Variants in ESRRG observed in about 807,000 individuals in gnomAD.
The protein encoded by ESRRG is estrogen related receptor gamma.
ESRRG carries 13 observed loss-of-function variants against 44.0 expected under a neutral mutation model. That is an observed-to-expected ratio of 0.30 (90% CI 0.19 to 0.47). The LOEUF is 0.47. ESRRG is among the 20% of genes least tolerant of loss of function. The pLI is 1.00. For missense variants in ESRRG, 395 were observed against 580.6 expected (o/e 0.68, Z 3.29); for synonymous variants, 215 against 214.6 (o/e 1.00, Z -0.02).
chr1:216,641,806 TG>T, intron 3 of ESRRG, among the ~76,000 whole-genome samples: 1 of 152,228 alleles, frequency 6.6e-6, no homozygotes, highest in South Asian at 2.1e-4. Flanking sequence ...GTCAGGACTT[TG>T]AGTGGGAAGT....
At chr1:216,786,118 G>A (rs2094119364) in intron 2 of ESRRG, among the ~76,000 whole-genome samples, 1 of 152,052 alleles carries the variant, frequency 6.6e-6, no homozygotes, top group African/African-American at 2.4e-5. Context: ...AAAGAAAACT[G>A]CTGTTCACAG....
intron 3 of ESRRG, among the ~76,000 whole-genome samples, chr1:216,576,161 G>C (rs192964894): frequency 6.6e-6 from 1 of 151,970 alleles, no homozygotes; most frequent in Admixed American, 6.6e-5. Flanking sequence ...GTCCCACAGA[G>C]TCTATTTTCC....
chr1:216,933,486 T>C (rs1049623587), intron 2 of ESRRG, among the ~76,000 whole-genome samples: 1 of 151,632 alleles, frequency 6.6e-6, no homozygotes, highest in Non-Finnish European at 1.5e-5. Flanking sequence ...ATTTCTGTGG[T>C]GTAAATACTC....
intron 2 of ESRRG, among the ~76,000 whole-genome samples, chr1:216,668,711 C>A (rs1427532349): frequency 6.6e-6 from 1 of 152,130 alleles, no homozygotes; most frequent in Admixed American, 6.5e-5. Flanking sequence ...CTAGCCAACA[C>A]ACACACACAC....
At chr1:216,935,459 A>T (rs1026127260) in intron 2 of ESRRG, among the ~76,000 whole-genome samples, 1 of 152,142 alleles carries the variant, frequency 6.6e-6, no homozygotes, top group Non-Finnish European at 1.5e-5. Context: ...AAGAATACAG[A>T]TGAACAGCCA....
chr1:217,125,325 T>A (rs116687027), intron 1 of ESRRG, among the ~76,000 whole-genome samples: 2,671 of 152,276 alleles, frequency 0.018, 87 homozygotes, highest in South Asian at 0.11. Context: ...CTGGAAAACA[T>A]TACATACCAT....
At chr1:216,869,901 C>CT (rs1290979260) in intron 2 of ESRRG, among the ~76,000 whole-genome samples, 1 of 151,822 alleles carries the variant, frequency 6.6e-6, no homozygotes, top group African/African-American at 2.4e-5. Flanking sequence ...ACCTTGTAAC[C>CT]TGAAAAGTTG....
chr1:216,753,970 G>A (rs1024920397), intron 2 of ESRRG, among the ~76,000 whole-genome samples: 2 of 151,974 alleles, frequency 1.3e-5, no homozygotes, highest in Non-Finnish European at 1.5e-5. Flanking sequence ...GCTCAGCTGT[G>A]ACTCCACTCA....
At chr1:216,891,882 C>T (rs2057847085) in intron 2 of ESRRG, among the ~76,000 whole-genome samples, 1 of 143,338 alleles carries the variant, frequency 7.0e-6, no homozygotes, top group South Asian at 2.4e-4. Flanking sequence ...TCCCCACAAT[C>T]TCCACCTCCT....
At chr1:216,588,754 C>T (rs2057124884) in intron 3 of ESRRG, among the ~76,000 whole-genome samples, 1 of 152,074 alleles carries the variant, frequency 6.6e-6, no homozygotes, top group African/African-American at 2.4e-5. Context: ...TTTTCCAAAA[C>T]TCTAAACAAA....
intron 3 of ESRRG, among the ~76,000 whole-genome samples, chr1:216,638,313 A>G (rs1303556741): frequency 6.6e-6 from 1 of 152,214 alleles, no homozygotes; most frequent in Non-Finnish European, 1.5e-5. Flanking sequence ...AAAAAGGTAA[A>G]GTAACTTGTC....
At chr1:216,650,932 A>G (rs767501983) in intron 3 of ESRRG, 41 bp downstream of exon 3, 2 of 1,336,470 alleles carry the variant, frequency 1.5e-6, no homozygotes, top group African/African-American at 2.9e-5. Flanking sequence ...CCATCCCCAC[A>G]GCAAAATCAA....
At chr1:216,885,564 T>A (rs193092997) in intron 2 of ESRRG, among the ~76,000 whole-genome samples, 1 of 152,210 alleles carries the variant, frequency 6.6e-6, no homozygotes, top group African/African-American at 2.4e-5. Context: ...TTTTTAATAG[T>A]CATTTTTGTT....
At chr1:217,062,917 A>G (rs924514343) in intron 1 of ESRRG, among the ~76,000 whole-genome samples, 1 of 152,236 alleles carries the variant, frequency 6.6e-6, no homozygotes, top group African/African-American at 2.4e-5. Flanking sequence ...AAGAATCATG[A>G]AAACAAGGAT....
chr1:216,575,725 C>A (rs2061572894), intron 3 of ESRRG, among the ~76,000 whole-genome samples: 1 of 151,984 alleles, frequency 6.6e-6, no homozygotes, highest in Admixed American at 6.6e-5. Context: ...TGCTTCTCTG[C>A]CATCAAAGTC....
chr1:216,728,077 G>GT (rs2087919929), upstream of ESRRG, among the ~76,000 whole-genome samples: 2 of 152,222 alleles, frequency 1.3e-5, no homozygotes, highest in Admixed American at 1.3e-4. Context: ...CCTTAGTTAG[G>GT]TTGTATTTCC....
chr1:217,105,117 A>G (rs1406422828), intron 1 of ESRRG, among the ~76,000 whole-genome samples: 1 of 152,090 alleles, frequency 6.6e-6, no homozygotes, highest in Non-Finnish European at 1.5e-5. Flanking sequence ...ATCTATCTGG[A>G]CCCCTAGTCA....
chr1:216,565,283 C>G (rs1466566880), intron 4 of ESRRG, among the ~76,000 whole-genome samples: 1 of 152,106 alleles, frequency 6.6e-6, no homozygotes, highest in Non-Finnish European at 1.5e-5. Flanking sequence ...AATGATTTTT[C>G]TTGTTGGCCC....
At chr1:216,847,332 A>C (rs189951122) in intron 2 of ESRRG, among the ~76,000 whole-genome samples, 40 of 152,286 alleles carry the variant, frequency 2.6e-4, no homozygotes. Context: ...TACTTAATAA[A>C]CTATATAGGG....
Sources: gnomAD v4.1 joint callset for allele counts (sites outside exome capture counted in the v4.1 genomes callset) on GRCh38, gnomAD v4.1.1 for gene constraint, MANE v1.5 for transcripts, NCBI Gene and HGNC (gene_info 2026-07-23, HGNC 2026-07-21) for gene names.